PLCB4: variants seen among roughly 807,000 people sequenced by gnomAD.
PLCB4 encodes 1-phosphatidylinositol 4,5-bisphosphate phosphodiesterase beta-4.
Under a neutral mutation model 178.8 loss-of-function variants are expected in PLCB4, and 77 were observed. The ratio of observed to expected loss-of-function variants is 0.43; its 90% CI spans 0.36 to 0.52. The LOEUF (loss-of-function observed/expected upper bound fraction) is 0.52, where lower values mean the gene tolerates loss of function less well. PLCB4 is among the 20% of genes least tolerant of loss of function. PLCB4 has a pLI of 0.00. For missense variants in PLCB4, 1,024 were observed against 1,453.4 expected (o/e 0.70, Z 4.80); for synonymous variants, 496 against 490.8 (o/e 1.01, Z -0.14).
chr20:9,264,494 T>G (rs1474349435), intron 3 of PLCB4, among the ~76,000 whole-genome samples: 1 of 152,204 alleles, frequency 6.6e-6, no homozygotes, highest in Non-Finnish European at 1.5e-5. Context: ...AATGGGGCCC[T>G]TCTGACATGA....
intron 1 of PLCB4, among the ~76,000 whole-genome samples, chr20:9,073,755 G>A (rs2089686724): frequency 6.6e-6 from 1 of 152,000 alleles, no homozygotes; most frequent in African/African-American, 2.4e-5. Context: ...TGAGTGTGGT[G>A]CACATGCCTG....
chr20:9,421,185 T>C (rs548182698), intron 26 of PLCB4, 112 bp from the exon 27 acceptor site: 9 of 756,976 alleles, frequency 1.2e-5, no homozygotes, highest in Non-Finnish European at 1.7e-5. Context: ...CCATAGATAA[T>C]TGAAATTCCT....
intron 32 of PLCB4, among the ~76,000 whole-genome samples, chr20:9,447,092 A>G (rs1302663888): frequency 2.6e-5 from 4 of 152,340 alleles, no homozygotes; most frequent in East Asian, 1.9e-4. Context: ...TAGCTTGTAC[A>G]TATTGATACT....
Position 9,236,112 on chromosome 20 carries a change from G to A in PLCB4, c.-16+18660G>A, listed in dbSNP as rs182397912. ...CATGGTCACCATCCCTTCCCTAAGC[G>A]TAATCTCTTTCTTGACTTTTTATAC... On this transcript the variant is annotated intron_variant, in intron 3 of 39. Coordinates refer to ENST00000378473, the MANE Select transcript of PLCB4 (RefSeq NM_001377142.1). 5.4e-4 allele frequency among the ~76,000 whole-genome samples: 82 copies of A among 152,250 alleles called. 1 individual carries two copies. Among genetic ancestry groups the A allele is most frequent in the Non-Finnish European group, 4.3e-4 (29 of 68,020 alleles).
intron 2 of PLCB4, among the ~76,000 whole-genome samples, chr20:9,201,591 AT>A (rs1450334219): frequency 6.6e-6 from 1 of 152,186 alleles, no homozygotes; most frequent in Non-Finnish European, 1.5e-5. Flanking sequence ...ATAATAATAC[AT>A]TACTTATTTA....
intron 7 of PLCB4, among the ~76,000 whole-genome samples, chr20:9,343,997 T>A (rs1003723280): frequency 3.3e-5 from 5 of 152,236 alleles, no homozygotes; most frequent in African/African-American, 1.2e-4. Flanking sequence ...GGTATCTAAC[T>A]GGTCTCTTTT....
chr20:9,140,542 G>A (rs1380841420), intron 2 of PLCB4, among the ~76,000 whole-genome samples: 1 of 151,792 alleles, frequency 6.6e-6, no homozygotes, highest in East Asian at 1.9e-4. Flanking sequence ...AATGTTGGAG[G>A]GGGGGCCTGG....
intron 38 of PLCB4, 52 bp from the exon 39 acceptor site, chr20:9,476,665 T>G (rs2044566705): frequency 8.0e-7 from 1 of 1,251,486 alleles, no homozygotes; most frequent in Non-Finnish European, 1.2e-6. Context: ...ATTTATTTTC[T>G]TCGTTTTGTA....
chr20:9,462,936 G>A (rs143304259), intron 35 of PLCB4, among the ~76,000 whole-genome samples: 2,536 of 152,242 alleles, frequency 0.017, 60 homozygotes, highest in African/African-American at 0.057. Flanking sequence ...GATACTCCTC[G>A]AGAAGAGCAA....
intron 2 of PLCB4, among the ~76,000 whole-genome samples, chr20:9,135,595 C>G (rs1049506982): frequency 6.6e-6 from 1 of 151,998 alleles, no homozygotes; most frequent in African/African-American, 2.4e-5. Context: ...ATAGGTATAT[C>G]CTATAATGGG....
At chr20:9,280,181 G>A (rs1462951143) in intron 3 of PLCB4, among the ~76,000 whole-genome samples, 1 of 152,022 alleles carries the variant, frequency 6.6e-6, no homozygotes, top group Non-Finnish European at 1.5e-5. Context: ...GGGTTTCTAG[G>A]AATAGAGATT....
At chr20:9,325,877 C>T (rs1435832635) in intron 4 of PLCB4, among the ~76,000 whole-genome samples, 3 of 152,204 alleles carry the variant, frequency 2.0e-5, no homozygotes, top group African/African-American at 7.2e-5. Flanking sequence ...ATACCATACA[C>T]TCGGCAGCTA....
intron 30 of PLCB4, among the ~76,000 whole-genome samples, chr20:9,443,242 G>A (rs2148671537): frequency 6.6e-6 from 1 of 152,262 alleles, no homozygotes; most frequent in East Asian, 1.9e-4. Flanking sequence ...GATTGAATTT[G>A]GTAAAAGGGA....
intron 3 of PLCB4, among the ~76,000 whole-genome samples, chr20:9,296,630 T>C (rs1235406690): frequency 1.3e-5 from 2 of 152,064 alleles, no homozygotes; most frequent in Non-Finnish European, 2.9e-5. Context: ...AATGATAGAC[T>C]GGATTAAGAA....
intron 2 of PLCB4, among the ~76,000 whole-genome samples, chr20:9,164,102 T>C (rs2146996334): frequency 6.6e-6 from 1 of 152,358 alleles, no homozygotes; most frequent in South Asian, 2.1e-4. Flanking sequence ...TTCAATAAAC[T>C]TGTTTTACTT....
chr20:9,086,370 A>G (rs1416010797), intron 1 of PLCB4, among the ~76,000 whole-genome samples: 4 of 152,030 alleles, frequency 2.6e-5, no homozygotes, highest in East Asian at 3.9e-4. Flanking sequence ...TTTGGGAGGA[A>G]GTTTAGCAAA....
chr20:9,262,011 C>T (rs541600504), intron 3 of PLCB4, among the ~76,000 whole-genome samples: 13 of 152,224 alleles, frequency 8.5e-5, no homozygotes, highest in Non-Finnish European at 1.5e-4. Flanking sequence ...CCAGCATTAT[C>T]AAGGTGAATT....
intron 19 of PLCB4, among the ~76,000 whole-genome samples, chr20:9,398,263 G>A (rs184615807): frequency 1.6e-4 from 25 of 152,298 alleles, no homozygotes; most frequent in African/African-American, 5.1e-4. Flanking sequence ...GTGAGTGAGT[G>A]ACAAGGTCAC....
intron 28 of PLCB4, among the ~76,000 whole-genome samples, chr20:9,431,600 G>A (rs571555286): frequency 3.3e-5 from 5 of 151,916 alleles, no homozygotes; most frequent in African/African-American, 1.2e-4. Flanking sequence ...CGAGTAGCTG[G>A]GATTACAGGT....
Sources: gnomAD v4.1 joint callset for allele counts (sites outside exome capture counted in the v4.1 genomes callset) on GRCh38, gnomAD v4.1.1 for gene constraint, MANE v1.5 for transcripts, NCBI Gene and HGNC (gene_info 2026-07-23, HGNC 2026-07-21) for gene names.